Variants in SLC35D4 observed in about 807,000 individuals in gnomAD.
SLC35D4 encodes UDP-N-acetylglucosamine transporter SLC35D4.
chr18:23,293,572 C>T, the SLC35D4 span, among the ~76,000 whole-genome samples: 1 of 152,208 alleles, frequency 6.6e-6, no homozygotes, highest in African/African-American at 2.4e-5. Flanking sequence ...TGGCCAGGGG[C>T]ATCCACACTG....
chr18:23,399,519 G>T, the SLC35D4 span: 2 of 1,569,706 alleles, frequency 1.3e-6, no homozygotes, highest in South Asian at 2.2e-5. Context: ...AAAAGGCAAA[G>T]GGGAAAGGGA....
the SLC35D4 span, chr18:23,257,432 ACTGG>A: frequency 2.7e-6 from 4 of 1,489,032 alleles, no homozygotes; most frequent in African/African-American, 1.4e-5. Flanking sequence ...CTTACTTACT[ACTGG>A]AAATGAAAAA....
At chr18:23,432,595 C>T in the SLC35D4 span, among the ~76,000 whole-genome samples, 1 of 150,942 alleles carries the variant, frequency 6.6e-6, no homozygotes, top group Admixed American at 6.6e-5. Flanking sequence ...GCAGGATAAT[C>T]ACTTGAACCC....
At chr18:23,297,906 C>G in the SLC35D4 span, 1 of 1,408,492 alleles carries the variant, frequency 7.1e-7, no homozygotes, top group Non-Finnish European at 9.9e-7. Context: ...ATTCCTCTTT[C>G]TGACACATCC....
At chr18:23,370,229 G>C in the SLC35D4 span, 1 of 1,610,412 alleles carries the variant, frequency 6.2e-7, no homozygotes. Flanking sequence ...AATGCACTGG[G>C]TTTCTGGGAC....
chr18:23,357,448 G>A, the SLC35D4 span, among the ~76,000 whole-genome samples: 6 of 152,178 alleles, frequency 3.9e-5, no homozygotes, highest in Admixed American at 1.3e-4. Flanking sequence ...AAAAATGTCC[G>A]GAGAAAAGGA....
the SLC35D4 span, chr18:23,309,593 T>C: frequency 8.3e-7 from 1 of 1,200,540 alleles, no homozygotes; most frequent in Non-Finnish European, 1.2e-6. Flanking sequence ...GCACACTCCC[T>C]TTCTGCAACA....
the SLC35D4 span, among the ~76,000 whole-genome samples, chr18:23,383,399 G>A: frequency 9.9e-6 from 1 of 101,128 alleles, no homozygotes; most frequent in Non-Finnish European, 2.0e-5. Flanking sequence ...GGGGCATGAA[G>A]GCCACGGGGG....
At chr18:23,277,541 C>T in the SLC35D4 span, among the ~76,000 whole-genome samples, 1 of 152,190 alleles carries the variant, frequency 6.6e-6, no homozygotes, top group Non-Finnish European at 1.5e-5. Flanking sequence ...CTCTGCTCCA[C>T]ATGGTCTCTC....
chr18:23,284,044 TCA>T, the SLC35D4 span, among the ~76,000 whole-genome samples: 2 of 152,198 alleles, frequency 1.3e-5, no homozygotes, highest in African/African-American at 4.8e-5. Flanking sequence ...TTGTAAACTG[TCA>T]CAGTGCTGGT....
the SLC35D4 span, chr18:23,252,837 C>T: frequency 1.6e-6 from 1 of 638,952 alleles, no homozygotes; most frequent in Non-Finnish European, 2.8e-6. Context: ...CTTGTTGTAG[C>T]TCCAATGCAA....
chr18:23,297,888 G>T, the SLC35D4 span: 1 of 1,248,846 alleles, frequency 8.0e-7, no homozygotes, highest in Non-Finnish European at 1.1e-6. Context: ...TGGCCTCACT[G>T]TCCTTGCATT....
the SLC35D4 span, among the ~76,000 whole-genome samples, chr18:23,239,989 G>A: frequency 1.4e-3 from 209 of 152,236 alleles, 2 homozygotes; most frequent in Admixed American, 9.0e-3. Context: ...GTGGTGTTGC[G>A]CGCCTGTAGT....
At chr18:23,313,380 A>G in the SLC35D4 span, among the ~76,000 whole-genome samples, 1 of 151,986 alleles carries the variant, frequency 6.6e-6, no homozygotes, top group Non-Finnish European at 1.5e-5. Context: ...GCAAAGGGGT[A>G]AAATAGGGAA....
At chr18:23,431,356 G>A in the SLC35D4 span, among the ~76,000 whole-genome samples, 1 of 152,072 alleles carries the variant, frequency 6.6e-6, no homozygotes, top group South Asian at 2.1e-4. Flanking sequence ...TGTCAGAAAT[G>A]TCACATTGTA....
the SLC35D4 span, chr18:23,421,361 T>C: frequency 6.2e-7 from 1 of 1,612,928 alleles, no homozygotes; most frequent in Non-Finnish European, 8.5e-7. Context: ...CATAGAGAGG[T>C]TATACCTTGA....
chr18:23,361,232 A>G, the SLC35D4 span, among the ~76,000 whole-genome samples: 1 of 152,184 alleles, frequency 6.6e-6, no homozygotes, highest in Non-Finnish European at 1.5e-5. Context: ...GACTATCCCT[A>G]TGGAGACTGA....
At chr18:23,319,244 CTTTATTTATTTATTTA>C in the SLC35D4 span, among the ~76,000 whole-genome samples, 1,358 of 147,382 alleles carry the variant, frequency 9.2e-3, 11 homozygotes, top group African/African-American at 0.023. Context: ...TATTTCAGTG[CTTTATTTATTTATTTA>C]TTTATTTATT....
chr18:23,254,552 G>T, the SLC35D4 span, among the ~76,000 whole-genome samples: 2 of 152,166 alleles, frequency 1.3e-5, no homozygotes. Flanking sequence ...GTAGTATCTT[G>T]GCTGGTGCTG....
Sources: gnomAD v4.1 joint callset for allele counts (sites outside exome capture counted in the v4.1 genomes callset) on GRCh38, gnomAD v4.1.1 for gene constraint, MANE v1.5 for transcripts, NCBI Gene and HGNC (gene_info 2026-07-23, HGNC 2026-07-21) for gene names.